Variants in OSGEP observed in about 807,000 individuals in gnomAD.
The protein encoded by OSGEP is tRNA N6-adenosine threonylcarbamoyltransferase.
OSGEP carries 39 observed loss-of-function variants against 44.1 expected under a neutral mutation model. That is an observed-to-expected ratio of 0.88 (90% CI 0.69 to 1.16). OSGEP has a LOEUF of 1.16. Among genes scored for constraint, OSGEP ranks in the 50% most tolerant of loss-of-function variants. OSGEP has a pLI of 0.00. For missense variants in OSGEP, 403 were observed against 443.1 expected (o/e 0.91, Z 0.81); for synonymous variants, 139 against 161.9 (o/e 0.86, Z 1.07).
Position 20,448,812 on chromosome 14 carries a change from C to T in OSGEP, c.558-1G>A, listed in dbSNP as rs1220099179. 1.2e-6 allele frequency: 2 copies of T among 1,611,426 alleles called. No individual in the cohort carries two copies. Among genetic ancestry groups the T allele is most frequent in the Non-Finnish European group, 1.7e-6 (2 of 1,177,636 alleles). Reference sequence around the variant, plus strand: ...TGGCAGCTCAACTAGCTTCTTGCCTCTATGTGGGAATAAGCGTACGAGGCA... The same window carrying T: ...TGGCAGCTCAACTAGCTTCTTGCCTTTATGTGGGAATAAGCGTACGAGGCA... On this transcript the variant is annotated splice_acceptor_variant, in intron 5 of 10. Coordinates refer to ENST00000206542, the MANE Select transcript of OSGEP (RefSeq NM_017807.4). LOFTEE classifies it high-confidence loss of function.
At chr14:20,448,500 T>C in intron 6 of OSGEP, among the ~76,000 whole-genome samples, 1 of 152,178 alleles carries the variant, frequency 6.6e-6, no homozygotes, top group Non-Finnish European at 1.5e-5. Flanking sequence ...CTAAGCTCCA[T>C]GTAGACAGGG....
chr14:20,447,717 G>C lies in OSGEP; in HGVS notation c.794-27C>G, dbSNP rs58136957. ...TACAAAGAGGCAGGGAACAGGATTA[G>C]CTTAGTTTTAGCCATCTCTTCATGG... On this transcript the variant is annotated intron_variant, in intron 8 of 10. Transcript: ENST00000206542. 6,053 of 1,584,444 alleles carry C rather than the reference G, an allele frequency of 3.8e-3. 179 individuals are homozygous for C. The African/African-American group carries it at 0.067, about 17-fold the overall frequency.
At position 20,454,740 on chromosome 14, in the gene OSGEP, G is replaced by C; in HGVS notation, c.-57C>G. The C allele has an allele frequency of 7.7e-7, 1 of 1,305,556 alleles. No individual in the cohort carries two copies. Among genetic ancestry groups the C allele is most frequent in the Non-Finnish European group, 1.1e-6 (1 of 907,552 alleles). 80.9% of individuals were successfully genotyped at this position (1,305,556 alleles called of 1,614,324 possible). A position where few individuals can be genotyped will look rare whatever the true frequency, so the allele number is the denominator to read the frequency against. Reference sequence around the variant, plus strand: ...TCCTGGCAATGTCAGGAGCTGTGGAGGTCCTCACTAGTCCGCGCTGGGCCG... The same window carrying C: ...TCCTGGCAATGTCAGGAGCTGTGGACGTCCTCACTAGTCCGCGCTGGGCCG... On this transcript the variant is annotated 5_prime_UTR_variant, in exon 1 of 11. Coordinates refer to ENST00000206542, the MANE Select transcript of OSGEP (RefSeq NM_017807.4).
intron 8 of OSGEP, 27 bp from the exon 9 acceptor site, chr14:20,447,717 G>A: frequency 6.3e-7 from 1 of 1,584,462 alleles, no homozygotes; most frequent in South Asian, 1.1e-5. Flanking sequence ...AACAGGATTA[G>A]CTTAGTTTTA....
chr14:20,449,305 T>A, intron 3 of OSGEP, 39 bp from the exon 4 acceptor site: 3 of 1,220,174 alleles, frequency 2.5e-6, no homozygotes, highest in Non-Finnish European at 3.7e-6. Flanking sequence ...CCCAAGTCTG[T>A]AAAGAGGATT....
chr14:20,453,082 C>T (rs1190971963), intron 1 of OSGEP, among the ~76,000 whole-genome samples: 1 of 152,140 alleles, frequency 6.6e-6, no homozygotes. Flanking sequence ...ATAACAATTA[C>T]AGCATTATAA....
intron 1 of OSGEP, among the ~76,000 whole-genome samples, chr14:20,454,173 A>AT (rs140663310): frequency 0.21 from 31,631 of 151,770 alleles, 3,644 homozygotes; most frequent in Non-Finnish European, 0.26. Flanking sequence ...TCAAAAAATA[A>AT]TTTTTTTTTA....
At chr14:20,452,990 G>T (rs1294674615) in intron 1 of OSGEP, among the ~76,000 whole-genome samples, 1 of 152,138 alleles carries the variant, frequency 6.6e-6, no homozygotes, top group Non-Finnish European at 1.5e-5. Flanking sequence ...TTACAGGCCT[G>T]AGCCACCGTG....
chr14:20,451,998 C>G lies in OSGEP; in HGVS notation c.387G>C (p.Leu129Phe). 1.2e-6 allele frequency: 2 copies of G among 1,610,106 alleles called. No homozygotes were observed. Among genetic ancestry groups the G allele is most frequent in the Non-Finnish European group, 1.7e-6 (2 of 1,178,034 alleles). The stretch of plus-strand genomic sequence containing the variant: ...CCTGCGTATTTCCTCCACTCACATA[C>G]AACACGGTTGGGCTGGTGGCTCCAG... ...LITGATSPTV[L>F]YVSGGNTQVI... is the part of the protein sequence containing the mutation. The change falls in exon 3 of 11, where the codon TTG becomes TTC. Residue 129 changes from leucine (L) to phenylalanine (F), a missense_variant. Transcript: ENST00000206542.
At chr14:20,449,311 G>T in intron 3 of OSGEP, 45 bp from the exon 4 acceptor site, 1 of 1,182,974 alleles carries the variant, frequency 8.5e-7, no homozygotes, top group Non-Finnish European at 1.3e-6. Context: ...TCTGTAAAGA[G>T]GATTATTTGG....
chr14:20,448,677 G>A, intron 6 of OSGEP, 56 bp downstream of exon 6: 2 of 1,207,730 alleles, frequency 1.7e-6, no homozygotes, highest in South Asian at 2.4e-5. Flanking sequence ...AAGTAAAACA[G>A]ATATGCTTCA....
At chr14:20,454,480 A>C (rs954920629) in intron 1 of OSGEP, 89 bp downstream of exon 1, 9 of 895,926 alleles carry the variant, frequency 1.0e-5, no homozygotes, top group Non-Finnish European at 1.7e-5. Flanking sequence ...TCGGATCGAA[A>C]GCTGCACCTC....
At chr14:20,447,718 C>A in intron 8 of OSGEP, 28 bp from the exon 9 acceptor site, 1 of 1,581,942 alleles carries the variant, frequency 6.3e-7, no homozygotes, top group Non-Finnish European at 8.7e-7. Context: ...ACAGGATTAG[C>A]TTAGTTTTAG....
At chr14:20,454,188 G>A (rs1220830064) in intron 1 of OSGEP, among the ~76,000 whole-genome samples, 1 of 151,686 alleles carries the variant, frequency 6.6e-6, no homozygotes, top group Non-Finnish European at 1.5e-5. Flanking sequence ...TTTTTAAAAA[G>A]GGAGTGTATA....
chr14:20,448,312 C>T (rs1009117219), intron 6 of OSGEP, 141 bp from the exon 7 acceptor site: 4 of 752,868 alleles, frequency 5.3e-6, no homozygotes, highest in Non-Finnish European at 9.7e-6. Flanking sequence ...ATTCCCTTCA[C>T]TGGCATCATG....
intron 3 of OSGEP, chr14:20,449,543 T>C: frequency 5.3e-6 from 2 of 379,392 alleles, no homozygotes; most frequent in South Asian, 5.5e-5. Context: ...GGCTTAGAAG[T>C]TCCTAATATA....
chr14:20,454,452 A>G, intron 1 of OSGEP, 117 bp downstream of exon 1: 1 of 802,890 alleles, frequency 1.2e-6, no homozygotes, highest in Non-Finnish European at 2.3e-6. Flanking sequence ...TAATAATGTC[A>G]CATAATTTCA....
rs1880963907 is a variant in OSGEP at position 20,447,024 on chromosome 14, T to C, written c.*216A>G. 3.9e-6 allele frequency: 2 copies of C among 510,278 alleles called. No individual in the cohort carries two copies. The highest frequency in any genetic ancestry group is 3.7e-5 in the South Asian group (1 of 27,354). The allele number at this position is 510,278 out of a possible 1,614,324, so 31.6% of individuals were successfully genotyped here. On this transcript the variant is annotated 3_prime_UTR_variant, in exon 11 of 11. Coordinates refer to ENST00000206542, the MANE Select transcript of OSGEP (RefSeq NM_017807.4). Reference sequence around the variant, plus strand: ...GAATTTATCCAGCACCAAATCTACATTGGTCCTGAACAACACAATCCAATC... The same window carrying C: ...GAATTTATCCAGCACCAAATCTACACTGGTCCTGAACAACACAATCCAATC...
In OSGEP at chr14:20,449,267, CTAAG is replaced by C; in HGVS notation, c.412-5_412-2del. The C allele has an allele frequency of 6.3e-7, 1 of 1,590,602 alleles. No individual in the cohort carries two copies. The highest frequency in any genetic ancestry group is 8.6e-7 in the Non-Finnish European group (1 of 1,158,642). On this transcript the variant is annotated splice_acceptor_variant and splice_polypyrimidine_tract_variant and intron_variant, in intron 3 of 10. Coordinates refer to ENST00000206542, the MANE Select transcript of OSGEP (RefSeq NM_017807.4). LOFTEE classifies it high-confidence loss of function. ...AACGATGTTCCGAGTATGCAATCAC[CTAAG>C]GGTGATGAGGAAGTCCATGAAACCC...
Sources: allele counts gnomAD v4.1 joint callset (sites outside exome capture counted in the v4.1 genomes callset), GRCh38; gene constraint gnomAD v4.1.1; transcripts MANE v1.5; gene names NCBI Gene and HGNC (gene_info 2026-07-23, HGNC 2026-07-21).